The following ADARB1 variants were observed in gnomAD, a reference collection of about 807,000 sequenced individuals.
The protein encoded by ADARB1 is double-stranded RNA-specific editase 1.
A neutral mutation model predicts 52.4 loss-of-function variants in ADARB1; 10 were observed. That is an observed-to-expected ratio of 0.19 (90% CI 0.12 to 0.32). The LOEUF (loss-of-function observed/expected upper bound fraction) is 0.32, where lower values mean the gene tolerates loss of function less well. Among genes scored for constraint, ADARB1 ranks in the 10% least tolerant of loss-of-function variants. ADARB1 has a pLI of 1.00. For missense variants in ADARB1, 643 were observed against 922.3 expected (o/e 0.70, Z 3.92); for synonymous variants, 349 against 371.1 (o/e 0.94, Z 0.68).
intron 1 of ADARB1, among the ~76,000 whole-genome samples, chr21:45,105,210 C>G (rs1170550302): frequency 6.6e-6 from 1 of 152,174 alleles, no homozygotes; most frequent in East Asian, 1.9e-4. Context: ...AAGCAATTCT[C>G]CTGCCTCAGC....
chr21:45,125,279 C>T (rs2088502426), intron 1 of ADARB1, among the ~76,000 whole-genome samples: 1 of 152,230 alleles, frequency 6.6e-6, no homozygotes, highest in African/African-American at 2.4e-5. Context: ...ACAACAATCA[C>T]TTTATTAATG....
At chr21:45,161,887 C>T (rs933644003) in intron 2 of ADARB1, among the ~76,000 whole-genome samples, 2 of 152,180 alleles carry the variant, frequency 1.3e-5, no homozygotes, top group African/African-American at 4.8e-5. Flanking sequence ...ACAGGATGAC[C>T]TGCTTATGGA....
chr21:45,177,341 A>G (rs992325935), intron 4 of ADARB1: 3 of 152,424 alleles, frequency 2.0e-5, no homozygotes, highest in South Asian at 2.1e-4. Context: ...CATGGGCTGT[A>G]TGAGGACTTC....
At chr21:45,080,766 A>G (rs762128962) in intron 1 of ADARB1, among the ~76,000 whole-genome samples, 4 of 152,126 alleles carry the variant, frequency 2.6e-5, no homozygotes, top group African/African-American at 4.8e-5. Context: ...TCGGTGCCTG[A>G]TTTGTGCTTG....
chr21:45,168,394 G>C (rs1378588113), intron 2 of ADARB1, among the ~76,000 whole-genome samples: 1 of 152,100 alleles, frequency 6.6e-6, no homozygotes, highest in Non-Finnish European at 1.5e-5. Context: ...TCTTTGCCTA[G>C]CCCTAGATCC....
intron 1 of ADARB1, among the ~76,000 whole-genome samples, chr21:45,114,291 C>G (rs1191560608): frequency 1.3e-5 from 2 of 152,208 alleles, no homozygotes; most frequent in Admixed American, 1.3e-4. Context: ...ACATGTATCC[C>G]CATTCACATT....
chr21:45,182,868 A>T (rs934038322), intron 6 of ADARB1, 115 bp downstream of exon 6: 15 of 1,042,608 alleles, frequency 1.4e-5, no homozygotes, highest in Non-Finnish European at 2.0e-5. Context: ...TCTCAAAATC[A>T]TAACTTTAAT....
At chr21:45,153,830 G>A (rs956267740) in intron 2 of ADARB1, among the ~76,000 whole-genome samples, 4 of 152,112 alleles carry the variant, frequency 2.6e-5, no homozygotes, top group East Asian at 1.9e-4. Flanking sequence ...CAGTCTGTGC[G>A]GCCCCCTCTG....
At chr21:45,121,866 A>G (rs1243805141) in intron 1 of ADARB1, among the ~76,000 whole-genome samples, 6 of 152,192 alleles carry the variant, frequency 3.9e-5, no homozygotes, top group Admixed American at 1.3e-4. Flanking sequence ...TGACTTTTCC[A>G]GCATGTTCAA....
intron 8 of ADARB1, among the ~76,000 whole-genome samples, chr21:45,187,883 C>T (rs191697055): frequency 1.3e-5 from 2 of 152,104 alleles, no homozygotes; most frequent in Non-Finnish European, 2.9e-5. Flanking sequence ...TTTTAATATG[C>T]TATTGAATTT....
intron 1 of ADARB1, among the ~76,000 whole-genome samples, chr21:45,084,956 C>T (rs1476595134): frequency 3.3e-5 from 5 of 152,182 alleles, no homozygotes; most frequent in Non-Finnish European, 7.3e-5. Context: ...TGGAGTCAGA[C>T]ACAATACTGG....
intron 1 of ADARB1, among the ~76,000 whole-genome samples, chr21:45,095,720 C>G (rs145070421): frequency 6.6e-6 from 1 of 152,108 alleles, no homozygotes; most frequent in Non-Finnish European, 1.5e-5. Flanking sequence ...ATCAGGAAAG[C>G]GATAAGGAGT....
intron 2 of ADARB1, among the ~76,000 whole-genome samples, chr21:45,162,419 C>A (rs2091021179): frequency 6.6e-6 from 1 of 152,170 alleles, no homozygotes; most frequent in Non-Finnish European, 1.5e-5. Context: ...CACCTGGCTC[C>A]CCCTTGGCAG....
At chr21:45,167,942 A>G (rs140522070) in intron 2 of ADARB1, among the ~76,000 whole-genome samples, 6 of 151,920 alleles carry the variant, frequency 3.9e-5, no homozygotes, top group Non-Finnish European at 8.8e-5. Context: ...CCCATTTTAC[A>G]TTTCTGCCAG....
Position 45,175,779 on chromosome 21 carries a change from C to T in ADARB1, c.78C>T (p.Ser26=), listed in dbSNP as rs766882884. ...AAAACCGCAATCTGGACAACGTGTC[C>T]CCCAAGGATGGCAGCACACCTGGGC... ...VKENRNLDNV[S]PKDGSTPGPG... Residue 26 remains serine, a synonymous_variant, in exon 4 of 11, where the codon TCC becomes TCT. Coordinates refer to ENST00000348831, the MANE Select transcript of ADARB1 (RefSeq NM_001112.4). 9 of 1,614,150 alleles carry T rather than the reference C, an allele frequency of 5.6e-6. No individual in the cohort carries two copies. The Admixed American group carries it at 1.0e-4, about 18-fold the overall frequency.
intron 2 of ADARB1, among the ~76,000 whole-genome samples, chr21:45,171,134 T>C (rs1234759683): frequency 6.6e-6 from 1 of 152,166 alleles, no homozygotes; most frequent in African/African-American, 2.4e-5. Flanking sequence ...CCTTCTGAGG[T>C]CTGTCGCCAT....
Position 45,221,118 on chromosome 21 carries a change from C to T in ADARB1, c.1926+104C>T. On this transcript the variant is annotated intron_variant, in intron 10 of 10. Transcript: ENST00000348831. This position sits in a 1 kb window ranked among gnomAD's most constrained non-coding sequence, Gnocchi z 4.9. ...AGTTGTTTCATCATGTCATCATGCA[C>T]AGCTTCCGAAAACGATCACTTGGAA... is the stretch of plus-strand genomic sequence containing the variant. 7.7e-7 allele frequency: 1 copy of T among 1,304,000 alleles called. No individual in the cohort carries two copies. The highest frequency in any genetic ancestry group is 1.5e-5 in the South Asian group (1 of 68,112). The allele number at this position is 1,304,000 out of a possible 1,614,324, so 80.8% of individuals were successfully genotyped here.
At chr21:45,165,409 C>A (rs534104492) in intron 2 of ADARB1, among the ~76,000 whole-genome samples, 15 of 152,220 alleles carry the variant, frequency 9.9e-5, no homozygotes, top group African/African-American at 3.6e-4. Context: ...TTTTGCATTG[C>A]ACTAGAAAAA....
At chr21:45,130,070 A>C (rs1569042083) in intron 2 of ADARB1, among the ~76,000 whole-genome samples, 2 of 152,222 alleles carry the variant, frequency 1.3e-5, no homozygotes, top group Admixed American at 6.5e-5. Flanking sequence ...TTCTAGCTTA[A>C]TTAGTGATAG....
Sources: allele counts gnomAD v4.1 joint callset (sites outside exome capture counted in the v4.1 genomes callset), GRCh38; gene constraint gnomAD v4.1.1; non-coding constraint Gnocchi (gnomAD v3.1); transcripts MANE v1.5; gene names NCBI Gene and HGNC (gene_info 2026-07-23, HGNC 2026-07-21).